The following CDH13 variants were observed in gnomAD, a reference collection of about 807,000 sequenced individuals.
CDH13 encodes the protein cadherin-13.
Under a neutral mutation model 63.8 loss-of-function variants are expected in CDH13, and 24 were observed. The observed-to-expected ratio is 0.38, with a 90% CI of 0.27 to 0.53. CDH13 has a LOEUF of 0.53. Among genes scored for constraint, CDH13 ranks in the 20% least tolerant of loss-of-function variants. The pLI is 0.85. For synonymous variants in CDH13, 503 were observed against 355.3 expected (o/e 1.42, Z -4.67); for missense variants, 1,049 against 903.1 (o/e 1.16, Z -2.07).
intron 6 of CDH13, among the ~76,000 whole-genome samples, chr16:83,377,712 T>G (rs187331973): frequency 1.7e-3 from 263 of 152,320 alleles, no homozygotes; most frequent in Non-Finnish European, 3.2e-3. Flanking sequence ...CCCACACTTA[T>G]GCCATTTCTT....
chr16:82,699,667 A>C (rs2030750462), intron 1 of CDH13, among the ~76,000 whole-genome samples: 1 of 152,242 alleles, frequency 6.6e-6, no homozygotes, highest in South Asian at 2.1e-4. Context: ...ATCAGTACAC[A>C]CATTTTGCAT....
chr16:83,710,955 T>C lies in CDH13; in HGVS notation c.1538+32494T>C, dbSNP rs2150923120. On this transcript the variant is annotated intron_variant, in intron 10 of 13. Coordinates refer to ENST00000567109, the MANE Select transcript of CDH13 (RefSeq NM_001257.5). ...CTCTGGTGGGCTGAACTACGATGAA[T>C]GTTAGCAAAATTCTACAGGCATACT... is the stretch of plus-strand genomic sequence containing the variant. Among the ~76,000 whole-genome samples, 3 of 152,242 alleles carry C rather than the reference T, an allele frequency of 2.0e-5. No individual in the cohort carries two copies. In the Middle Eastern group the frequency reaches 0.01, roughly 518 times the overall value.
At chr16:83,568,639 C>T (rs751988923) in intron 7 of CDH13, among the ~76,000 whole-genome samples, 14 of 152,140 alleles carry the variant, frequency 9.2e-5, no homozygotes, top group Non-Finnish European at 1.5e-4. Flanking sequence ...ACAATAAATG[C>T]CTCCTTGCTG....
intron 2 of CDH13, among the ~76,000 whole-genome samples, chr16:82,983,198 A>G (rs1433235987): frequency 6.6e-6 from 1 of 152,210 alleles, no homozygotes; most frequent in East Asian, 1.9e-4. Context: ...ATGGCCTTGC[A>G]GGACCTTTCT....
At chr16:83,774,809 T>C (rs559441058) in intron 11 of CDH13, among the ~76,000 whole-genome samples, 1 of 152,308 alleles carries the variant, frequency 6.6e-6, no homozygotes, top group South Asian at 2.1e-4. Flanking sequence ...TGGTGTTTAA[T>C]GGGTCAGAGT....
chr16:83,545,739 AG>A (rs1933684189), intron 7 of CDH13, among the ~76,000 whole-genome samples: 1 of 152,160 alleles, frequency 6.6e-6, no homozygotes. Flanking sequence ...ATATCAAGCA[AG>A]CCCTCCTCAT....
chr16:82,722,780 C>T (rs567159058), intron 1 of CDH13, among the ~76,000 whole-genome samples: 27 of 152,290 alleles, frequency 1.8e-4, no homozygotes, highest in African/African-American at 6.0e-4. Context: ...CCCCAAGATG[C>T]TCACAGGGTA....
chr16:82,732,099 C>G (rs2033434747), intron 1 of CDH13, among the ~76,000 whole-genome samples: 1 of 152,156 alleles, frequency 6.6e-6, no homozygotes, highest in Admixed American at 6.5e-5. Context: ...CCTTGTGACA[C>G]TTGACTTAAT....
chr16:82,852,116 GATTA>G lies in CDH13; in HGVS notation c.46-6241_46-6238del, dbSNP rs1306165080. Among the ~76,000 whole-genome samples the G allele has an allele frequency of 9.8e-5, 15 of 152,342 alleles. No individual in the cohort carries two copies. In the East Asian group the frequency reaches 2.7e-3, roughly 27 times the overall value. On this transcript the variant is annotated intron_variant, in intron 1 of 13. Coordinates refer to ENST00000567109, the MANE Select transcript of CDH13 (RefSeq NM_001257.5). ...CCTGAGAGTGTTCTCAACCTCGTGA[GATTA>G]ATTATTTGTGGCAGGAAGTTTCTCT...
intron 1 of CDH13, among the ~76,000 whole-genome samples, chr16:82,638,646 TA>T (rs112589314): frequency 2.0e-5 from 3 of 151,810 alleles, no homozygotes; most frequent in Non-Finnish European, 2.9e-5. Context: ...GCGTGGACAT[TA>T]AAAAAAATAA....
chr16:83,113,501 G>A (rs140755538), intron 3 of CDH13, among the ~76,000 whole-genome samples: 16 of 152,358 alleles, frequency 1.1e-4, no homozygotes, highest in Admixed American at 2.6e-4. Flanking sequence ...ACCAGGGGGC[G>A]TAGCAGCAGA....
At chr16:83,042,842 G>A (rs1255755820) in intron 3 of CDH13, among the ~76,000 whole-genome samples, 2 of 152,226 alleles carry the variant, frequency 1.3e-5, no homozygotes, top group African/African-American at 2.4e-5. Flanking sequence ...AACAATCCCA[G>A]TGGAGAATGA....
chr16:83,555,956 A>G (rs1429457278), intron 7 of CDH13, among the ~76,000 whole-genome samples: 1 of 152,222 alleles, frequency 6.6e-6, no homozygotes, highest in Non-Finnish European at 1.5e-5. Context: ...CATTAGAGAT[A>G]GACAAAGCTA....
At chr16:83,441,555 A>G (rs11646905) in intron 6 of CDH13, among the ~76,000 whole-genome samples, 22,604 of 152,168 alleles carry the variant, frequency 0.15, 2,196 homozygotes, top group Non-Finnish European at 0.22. Context: ...TAAATGAGGA[A>G]AGTTTCTTTA....
intron 2 of CDH13, among the ~76,000 whole-genome samples, chr16:82,992,409 A>T (rs954596913): frequency 2.6e-5 from 4 of 152,186 alleles, no homozygotes; most frequent in Non-Finnish European, 1.5e-5. Context: ...ATATATAAAA[A>T]ATATCTTTAA....
At chr16:82,988,294 C>A (rs555159507) in intron 2 of CDH13, among the ~76,000 whole-genome samples, 1 of 152,180 alleles carries the variant, frequency 6.6e-6, no homozygotes, top group East Asian at 1.9e-4. Flanking sequence ...TGGGGGCATC[C>A]AAGGTGAGGA....
At chr16:83,633,626 G>A (rs955785236) in intron 8 of CDH13, among the ~76,000 whole-genome samples, 5 of 152,100 alleles carry the variant, frequency 3.3e-5, no homozygotes, top group Non-Finnish European at 5.9e-5. Flanking sequence ...AGAGAAAATG[G>A]TATCTTCCTG....
chr16:82,998,893 C>T (rs1054447181), intron 2 of CDH13, among the ~76,000 whole-genome samples: 5 of 137,896 alleles, frequency 3.6e-5, no homozygotes, highest in African/African-American at 8.7e-5. Flanking sequence ...GATACTGCCC[C>T]TTCTCATTTT....
Position 83,800,626 on chromosome 16 carries a change from A to T in CDH13, c.*5596A>T, listed in dbSNP as rs915219397. The stretch of plus-strand genomic sequence containing the variant: ...TTTGTGAAACATTCAAATAAAGCTT[A>T]TCTGGGATTTTTAACTTGTGTGTTT... On this transcript the variant is annotated 3_prime_UTR_variant, in exon 14 of 14. Transcript: ENST00000567109. 6.6e-6 allele frequency: 1 copy of T among 152,250 alleles called. No homozygotes were observed. Among genetic ancestry groups the T allele is most frequent in the African/African-American group, 2.4e-5 (1 of 41,460 alleles). The allele number at this position is 152,250 out of a possible 1,614,324, so 9.4% of individuals were successfully genotyped here. A position where few individuals can be genotyped will look rare whatever the true frequency, so the allele number is the denominator to read the frequency against.
Sources: allele counts gnomAD v4.1 joint callset (sites outside exome capture counted in the v4.1 genomes callset), GRCh38; gene constraint gnomAD v4.1.1; transcripts MANE v1.5; gene names NCBI Gene and HGNC (gene_info 2026-07-23, HGNC 2026-07-21).